DMD: variants seen among roughly 807,000 people sequenced by gnomAD.
DMD encodes mutant dystrophin.
DMD carries 63 observed loss-of-function variants against 330.1 expected under a neutral mutation model. The ratio of observed to expected loss-of-function variants is 0.19; its 90% CI spans 0.16 to 0.24. The LOEUF (loss-of-function observed/expected upper bound fraction) is 0.24, where lower values mean the gene tolerates loss of function less well. DMD is among the 10% of genes least tolerant of loss of function. The pLI, the probability that DMD is intolerant of heterozygous loss-of-function variation, is 1.00. For synonymous variants in DMD, 1,223 were observed against 959.8 expected (o/e 1.27, Z -5.07); for missense variants, 3,344 against 2,684.1 (o/e 1.25, Z -5.43).
intron 47 of DMD, among the ~76,000 whole-genome samples, chrX:31,928,354 C>T (rs916216734): frequency 9.0e-6 from 1 of 111,372 alleles, no homozygotes; most frequent in Non-Finnish European, 1.9e-5. Flanking sequence ...GCTGTAATCC[C>T]AGGACTTTGG....
At position 32,242,487 on chromosome X, in the gene DMD, T is replaced by C. The variant is rs780368758; in HGVS notation, c.6291-25424A>G. 1.1e-4 allele frequency among the ~76,000 whole-genome samples: 12 copies of C among 112,127 alleles called. No homozygotes were observed. The South Asian group carries it at 3.3e-3, about 31-fold the overall frequency. ...CTCTGATGACTTTTTAACAGTTAAC[T>C]TCAATGTCTAGCACGTTGCTATATG... On this transcript the variant is annotated intron_variant, in intron 43 of 78. Transcript: ENST00000357033.
chrX:32,972,448 G>A (rs1250744728), intron 2 of DMD, among the ~76,000 whole-genome samples: 1 of 111,503 alleles, frequency 9.0e-6, no homozygotes, highest in Non-Finnish European at 1.9e-5. Context: ...CTAAAGTGCT[G>A]GGATTACAGG....
chrX:32,869,138 C>A (rs530079138), intron 2 of DMD, among the ~76,000 whole-genome samples: 82 of 110,820 alleles, frequency 7.4e-4, no homozygotes, highest in African/African-American at 2.6e-3. Context: ...TGGAGCGAAC[C>A]CCCAACAAAC....
chrX:32,169,692 C>T (rs1297605492), intron 44 of DMD, among the ~76,000 whole-genome samples: 1 of 111,601 alleles, frequency 9.0e-6, no homozygotes, highest in Non-Finnish European at 1.9e-5. Context: ...TCCATCTGTC[C>T]ACAATCCCAT....
intron 44 of DMD, among the ~76,000 whole-genome samples, chrX:31,995,391 C>A (rs1306699728): frequency 9.0e-6 from 1 of 111,446 alleles, no homozygotes; most frequent in Non-Finnish European, 1.9e-5. Flanking sequence ...ATTCGTCTTC[C>A]GTGCAACTTC....
intron 41 of DMD, among the ~76,000 whole-genome samples, chrX:32,325,272 T>C (rs945075051): frequency 1.8e-5 from 2 of 111,201 alleles, no homozygotes; most frequent in Non-Finnish European, 3.8e-5. Flanking sequence ...TAGTAAAGTT[T>C]CCTTAATCTA....
intron 2 of DMD, among the ~76,000 whole-genome samples, chrX:33,014,808 G>A (rs1030137778): frequency 9.4e-6 from 1 of 106,575 alleles, no homozygotes; most frequent in Non-Finnish European, 1.9e-5. Context: ...TGACAAAAAT[G>A]GGAATATTTT....
intron 1 of DMD, among the ~76,000 whole-genome samples, chrX:33,274,278 T>G (rs7887103): frequency 0.038 from 4,214 of 111,792 alleles, 192 homozygotes; most frequent in African/African-American, 0.13. Context: ...ACAGTGATAT[T>G]AGCCACTACC....
At chrX:31,453,787 A>AAC in intron 59 of DMD, among the ~76,000 whole-genome samples, 1 of 105,429 alleles carries the variant, frequency 9.5e-6, no homozygotes, top group African/African-American at 3.4e-5. Context: ...AAAAAAAAAA[A>AAC]AAACCACAAA....
chrX:31,825,202 G>T (rs1468868151), intron 49 of DMD, among the ~76,000 whole-genome samples: 1 of 111,981 alleles, frequency 8.9e-6, no homozygotes. Context: ...GCAATGAGAA[G>T]TAATCATTCT....
chrX:32,697,757 G>C, intron 9 of DMD, 113 bp downstream of exon 9: 2 of 1,044,517 alleles, frequency 1.9e-6, no homozygotes, highest in Non-Finnish European at 2.6e-6. Flanking sequence ...AAACAAACCA[G>C]CTCTTCACGA....
At chrX:32,852,259 C>T (rs1344397325) in intron 2 of DMD, among the ~76,000 whole-genome samples, 1 of 111,496 alleles carries the variant, frequency 9.0e-6, no homozygotes, top group African/African-American at 3.3e-5. Flanking sequence ...GGCCCTGGCT[C>T]CTGAGTGACA....
At chrX:32,715,289 C>A (rs2065583969) in intron 7 of DMD, among the ~76,000 whole-genome samples, 1 of 109,083 alleles carries the variant, frequency 9.2e-6, no homozygotes, top group South Asian at 4.0e-4. Flanking sequence ...CCATCCTGGC[C>A]AACATGGTAA....
At chrX:32,775,965 T>C (rs1055563363) in intron 7 of DMD, among the ~76,000 whole-genome samples, 6 of 112,232 alleles carry the variant, frequency 5.3e-5, no homozygotes, top group Non-Finnish European at 1.1e-4. Context: ...TGAACGCATA[T>C]AACCGTATGT....
chrX:32,708,551 A>C (rs2064896104), intron 7 of DMD, among the ~76,000 whole-genome samples: 1 of 111,672 alleles, frequency 9.0e-6, no homozygotes, highest in Non-Finnish European at 1.9e-5. Flanking sequence ...ATTTTTCCTG[A>C]TTTCCTTCCA....
chrX:33,293,930 A>T (rs2053549577), intron 1 of DMD, among the ~76,000 whole-genome samples: 1 of 111,682 alleles, frequency 9.0e-6, no homozygotes, highest in African/African-American at 3.2e-5. Context: ...GAGAGGAAGG[A>T]TCTGCGCTAG....
intron 53 of DMD, among the ~76,000 whole-genome samples, chrX:31,662,787 G>T (rs1321787281): frequency 9.0e-6 from 1 of 111,475 alleles, no homozygotes; most frequent in African/African-American, 3.3e-5. Context: ...CCATGCCTCC[G>T]GCTTGTCCTG....
chrX:31,863,110 G>A (rs1183578650), intron 48 of DMD, among the ~76,000 whole-genome samples: 3 of 112,767 alleles, frequency 2.7e-5, no homozygotes, highest in African/African-American at 6.4e-5. Flanking sequence ...CTGGGAGGCC[G>A]AGGCGGGCAG....
chrX:32,438,493 TAATCAATTTAAAGCAAA>T, intron 28 of DMD, 103 bp from the exon 29 acceptor site: 2 of 992,777 alleles, frequency 2.0e-6, no homozygotes, highest in Non-Finnish European at 2.8e-6. Context: ...AATTAAGTCA[TAATCAATTTAAAGCAAA>T]TTTTAATTGG....
Sources: allele counts gnomAD v4.1 joint callset (sites outside exome capture counted in the v4.1 genomes callset), GRCh38; gene constraint gnomAD v4.1.1; transcripts MANE v1.5; gene names NCBI Gene and HGNC (gene_info 2026-07-23, HGNC 2026-07-21).